EML2: variants seen among roughly 807,000 people sequenced by gnomAD.
The protein encoded by EML2 is EMAP like 2.
EML2 carries 59 observed loss-of-function variants against 84.7 expected under a neutral mutation model. The observed-to-expected ratio is 0.70, with a 90% CI of 0.56 to 0.86. The LOEUF is 0.86. Ranked by LOEUF, EML2 falls within the 40% of genes least tolerant of loss-of-function variation. EML2 has a pLI of 0.00. For synonymous variants in EML2, 352 were observed against 348.9 expected, an observed-to-expected ratio of 1.01 and a Z score of -0.10; for missense variants, 818 against 855.6, an observed-to-expected ratio of 0.96 and a Z score of 0.55.
At chr19:45,616,670 G>A in intron 14 of EML2, 95 bp downstream of exon 14, 1 of 1,398,096 alleles carries the variant, frequency 7.2e-7, no homozygotes, top group Admixed American at 1.8e-5. Flanking sequence ...TCCCTCCTAG[G>A]CCTCGCTTCG....
At chr19:45,620,994 G>T (rs1329913694) in intron 11 of EML2, 1 of 700,988 alleles carries the variant, frequency 1.4e-6, no homozygotes. Flanking sequence ...AGGCAGCACA[G>T]TTGGAGCAGG....
chr19:45,627,987 C>A (rs1340792445), intron 7 of EML2, among the ~76,000 whole-genome samples: 1 of 151,810 alleles, frequency 6.6e-6, no homozygotes, highest in Non-Finnish European at 1.5e-5. Context: ...CTTGCTTGAA[C>A]CCGGGAGGCG....
intron 18 of EML2, among the ~76,000 whole-genome samples, chr19:45,612,126 G>A (rs1048075626): frequency 1.8e-4 from 27 of 151,636 alleles, no homozygotes; most frequent in Admixed American, 1.4e-3. Context: ...GTGCAGTGGC[G>A]TGATCTTGGC....
At chr19:45,617,424 G>C (rs1385864831) in intron 13 of EML2, among the ~76,000 whole-genome samples, 1 of 152,114 alleles carries the variant, frequency 6.6e-6, no homozygotes, top group Non-Finnish European at 1.5e-5. Flanking sequence ...CAGGCATAGT[G>C]GTGGGCGCCT....
intron 18 of EML2, 89 bp from the exon 19 acceptor site, chr19:45,609,877 T>C: frequency 6.8e-7 from 1 of 1,463,558 alleles, no homozygotes; most frequent in Non-Finnish European, 9.1e-7. Context: ...GGTTCTTTTC[T>C]GCTCTTCCTC....
chr19:45,624,141 C>CCATT (rs1384756342), intron 9 of EML2, among the ~76,000 whole-genome samples: 1 of 152,236 alleles, frequency 6.6e-6, no homozygotes, highest in Non-Finnish European at 1.5e-5. Flanking sequence ...GCTGAAACAA[C>CCATT]CATTCATTCA....
rs1600085118 is a variant in EML2, at chr19:45,615,820, C to A, written c.1579G>T (p.Asp527Tyr). The change falls in exon 16 of 19, where the codon GAC (aspartate) becomes TAC (tyrosine). Residue 527 changes from aspartate to tyrosine, a missense_variant. Transcript: ENST00000245925. Reference protein sequence around the residue: ...DSSCFVTNSGDYEILYWDPAT... With the variant: ...DSSCFVTNSGYYEILYWDPAT... ...AACTCACAGTACAGAATCTCATAGT[C>A]CCCGGAGTTGGTGACAAAGCAGCTG... 6.2e-7 allele frequency: 1 copy of A among 1,613,424 alleles called. No homozygotes were observed. Among genetic ancestry groups the A allele is most frequent in the Admixed American group, 1.7e-5 (1 of 59,954 alleles).
chr19:45,631,378 T>C (rs1378227797), intron 6 of EML2, among the ~76,000 whole-genome samples: 1 of 151,880 alleles, frequency 6.6e-6, no homozygotes, highest in Admixed American at 6.6e-5. Flanking sequence ...AATATTTTAA[T>C]CAAATATGAT....
intron 16 of EML2, among the ~76,000 whole-genome samples, chr19:45,615,383 T>A (rs1242433194): frequency 6.7e-6 from 1 of 149,788 alleles, no homozygotes; most frequent in African/African-American, 2.5e-5. Context: ...CCGGGCATGG[T>A]GGTGTGCTCC....
chr19:45,613,401 G>T, intron 18 of EML2, 140 bp downstream of exon 18: 1 of 990,768 alleles, frequency 1.0e-6, no homozygotes, highest in Non-Finnish European at 1.4e-6. Context: ...AAGGCCCTTG[G>T]GATCAAGACT....
chr19:45,630,012 G>T lies in EML2; in HGVS notation c.545C>A (p.Ser182Tyr), dbSNP rs769424425. ...CCACACCGAGAGCATGTGATCATTG[G>T]ATTCATCCACTGCACACAGCAGGTT... ...GGNLLCAVDESNDHMLSVWDW... is the reference protein window; with the variant it reads ...GGNLLCAVDEYNDHMLSVWDW... The change falls in exon 7 of 19, where the codon TCC (serine) becomes TAC (tyrosine). Residue 182 changes from serine to tyrosine, a missense_variant. Coordinates refer to ENST00000245925, the MANE Select transcript of EML2 (RefSeq NM_012155.4). The T allele has an allele frequency of 6.2e-7, 1 of 1,613,324 alleles. No individual in the cohort carries two copies. Among genetic ancestry groups the T allele is most frequent in the Non-Finnish European group, 8.5e-7 (1 of 1,179,652 alleles).
chr19:45,610,278 T>G (rs1371209700), intron 18 of EML2, among the ~76,000 whole-genome samples: 2 of 152,116 alleles, frequency 1.3e-5, no homozygotes, highest in Non-Finnish European at 2.9e-5. Context: ...ATGCCCGTAA[T>G]CCGAGCTACT....
In EML2 at chr19:45,621,226, C is replaced by A; in HGVS notation, c.1103G>T (p.Gly368Val). The A allele has an allele frequency of 6.2e-7, 1 of 1,613,880 alleles. No individual in the cohort carries two copies. Among genetic ancestry groups the A allele is most frequent in the Non-Finnish European group, 8.5e-7 (1 of 1,180,004 alleles). The change falls in exon 11 of 19, where the codon GGC (glycine) becomes GTC (valine). Residue 368 changes from glycine to valine, a missense_variant. By Grantham distance (109) the Gly-to-Val change is moderately radical (BLOSUM62 -3). Coordinates refer to ENST00000245925, the MANE Select transcript of EML2 (RefSeq NM_012155.4). Reference protein sequence around the residue: ...NSILQGSVHTGFSLLVQGHVE... With the variant: ...NSILQGSVHTVFSLLVQGHVE... ...GCGCACCTGGACCAGCAGTGAGAAG[C>A]CTGTGTGCACGGAGCCCTGCAGGAT...
At chr19:45,643,434 CG>C, upstream of EML2, 4 of 977,896 alleles carry the variant, frequency 4.1e-6, no homozygotes, top group South Asian at 1.4e-5. Context: ...CTCTGTACCC[CG>C]CGCCCCAGAT....
intron 13 of EML2, 54 bp from the exon 14 acceptor site, chr19:45,616,907 G>C (rs1292673527): frequency 5.9e-6 from 8 of 1,356,096 alleles, no homozygotes; most frequent in South Asian, 1.2e-5. Flanking sequence ...CTGACAGAGA[G>C]AGGCCGCAAT....
intron 4 of EML2, among the ~76,000 whole-genome samples, chr19:45,633,830 CA>C (rs1973379524): frequency 6.6e-6 from 1 of 152,180 alleles, no homozygotes; most frequent in South Asian, 2.1e-4. Context: ...CTGCAGCCTC[CA>C]ACTCCTGGAC....
At chr19:45,621,713 C>T in intron 9 of EML2, 76 bp from the exon 10 acceptor site, 1 of 1,443,124 alleles carries the variant, frequency 6.9e-7, no homozygotes, top group Non-Finnish European at 9.4e-7. Context: ...CTTGAACTCT[C>T]AAGCCTATGT....
intron 7 of EML2, among the ~76,000 whole-genome samples, chr19:45,629,201 CTCACTGCA>C (rs1972734922): frequency 6.6e-6 from 1 of 152,134 alleles, no homozygotes; most frequent in Non-Finnish European, 1.5e-5. Context: ...GCAATCATGG[CTCACTGCA>C]GCCTCAACCT....
chr19:45,634,601 GC>G, intron 3 of EML2, 130 bp from the exon 4 acceptor site: 1 of 610,012 alleles, frequency 1.6e-6, no homozygotes, highest in Non-Finnish European at 2.1e-6. Context: ...TCACTCTGTC[GC>G]CCAGGCTGGA....
Sources: gnomAD v4.1 joint callset for allele counts (sites outside exome capture counted in the v4.1 genomes callset) on GRCh38, gnomAD v4.1.1 for gene constraint, MANE v1.5 for transcripts, NCBI Gene and HGNC (gene_info 2026-07-23, HGNC 2026-07-21) for gene names.